Variants in TANC2 observed in about 807,000 individuals in gnomAD.
The protein encoded by TANC2 is protein TANC2.
TANC2 carries 26 observed loss-of-function variants against 210.5 expected under a neutral mutation model. The ratio of observed to expected loss-of-function variants is 0.12; its 90% CI spans 0.09 to 0.17. The LOEUF is 0.17. Among genes scored for constraint, TANC2 ranks in the 10% least tolerant of loss-of-function variants. TANC2 has a pLI of 1.00. For synonymous variants in TANC2, 931 were observed against 967.1 expected (o/e 0.96, Z 0.69); for missense variants, 2,129 against 2,608.9 (o/e 0.82, Z 4.01).
At position 63,412,119 on chromosome 17, in the gene TANC2, G is replaced by A. The variant is rs184619475; in HGVS notation, c.3887G>A (p.Gly1296Glu). Residue 1296 changes from glycine to glutamate, a missense_variant, in exon 23 of 28, where the codon GGA (glycine) becomes GAA (glutamate). By Grantham distance (98) the Gly-to-Glu change is moderately conservative (BLOSUM62 -2). Around this residue, in one of 5 missense-constraint regions of TANC2, gnomAD observed 644 missense variants for 937.5 expected, o/e 0.69. Coordinates refer to ENST00000689528, the Ensembl canonical transcript of TANC2. The surrounding 1 kb of genome is among the most constrained non-coding windows in gnomAD (Gnocchi z 4.2). ...GTTGTTGTCACTCTTCTGAAGAAAG[G>A]AGCCAAGATAGGTAGGAGAAGGGAA... 1.2e-6 allele frequency: 2 copies of A among 1,613,986 alleles called. No individual in the cohort carries two copies. The highest frequency in any genetic ancestry group is 2.2e-5 in the East Asian group (1 of 44,870).
At chr17:63,323,001 G>T (rs1182921025) in intron 11 of TANC2, among the ~76,000 whole-genome samples, 1 of 152,202 alleles carries the variant, frequency 6.6e-6, no homozygotes, top group East Asian at 1.9e-4. Flanking sequence ...TGTATCAGAA[G>T]TAGCCACTTA....
chr17:63,071,725 A>G (rs2036404366), intron 2 of TANC2, among the ~76,000 whole-genome samples: 1 of 152,156 alleles, frequency 6.6e-6, no homozygotes, highest in Non-Finnish European at 1.5e-5. Flanking sequence ...ATATTGTAAG[A>G]CTAAGTCTTC....
intron 5 of TANC2, among the ~76,000 whole-genome samples, chr17:63,179,879 GTTCATGCCTATAATCTCAGC>G (rs1224466652): frequency 1.3e-5 from 2 of 151,450 alleles, no homozygotes; most frequent in African/African-American, 4.9e-5. Context: ...GCTGGGCATG[GTTCATGCCTATAATCTCAGC>G]TCTTTGGGAG....
At chr17:63,411,675 G>C in exon 22 of TANC2, 1 of 1,612,126 alleles carries the variant, frequency 6.2e-7, no homozygotes, top group Non-Finnish European at 8.5e-7. Flanking sequence ...TTTCTATGGC[G>C]ATGCTGAGGT....
At chr17:63,327,218 G>T (rs182552662) in intron 11 of TANC2, among the ~76,000 whole-genome samples, 1 of 152,298 alleles carries the variant, frequency 6.6e-6, no homozygotes, top group East Asian at 1.9e-4. Context: ...CCAAAAAGAC[G>T]AAAGATAAGT....
intron 7 of TANC2, among the ~76,000 whole-genome samples, chr17:63,209,892 T>G (rs907038568): frequency 6.6e-6 from 1 of 152,248 alleles, no homozygotes; most frequent in Non-Finnish European, 1.5e-5. Context: ...AAATATCTTT[T>G]GAGGTGATGA....
At chr17:63,293,414 G>A (rs980667299) in intron 9 of TANC2, among the ~76,000 whole-genome samples, 9 of 152,154 alleles carry the variant, frequency 5.9e-5, no homozygotes, top group Admixed American at 2.0e-4. Flanking sequence ...AGGAACAGAG[G>A]TACTTCGAGG....
In TANC2 at chr17:63,187,435, A is replaced by G. The variant is rs190616047; in HGVS notation, c.434-6556A>G. 2.0e-5 allele frequency among the ~76,000 whole-genome samples: 3 copies of G among 152,144 alleles called. No homozygotes were observed. The East Asian group carries it at 5.8e-4, about 29-fold the overall frequency. ...GCATGTGCAATTAACTAGACTACAGACCTTACTCAGATTTGGTTAATGGTA... is the reference window on the plus strand; with the variant it reads ...GCATGTGCAATTAACTAGACTACAGGCCTTACTCAGATTTGGTTAATGGTA... On this transcript the variant is annotated intron_variant, in intron 5 of 27. Transcript: ENST00000689528.
chr17:63,279,175 A>G (rs2043985589), intron 9 of TANC2, among the ~76,000 whole-genome samples: 1 of 152,150 alleles, frequency 6.6e-6, no homozygotes, highest in East Asian at 1.9e-4. Context: ...GGGGAAGTCC[A>G]TGATGCTGCC....
chr17:63,232,867 C>T (rs141843386), intron 7 of TANC2, among the ~76,000 whole-genome samples: 45 of 152,318 alleles, frequency 3.0e-4, no homozygotes, highest in African/African-American at 9.9e-4. Context: ...AGACTAAGTC[C>T]GCTGATCAAC....
rs114564294 is a variant in TANC2 at position 63,186,940 on chromosome 17, C to T, written c.434-7051C>T. Reference sequence around the variant, plus strand: ...TCTGTTTCTCATACCTCAAAGTTGTCGTCATTATTAAAGAAGTTACAGAAT... The same window carrying T: ...TCTGTTTCTCATACCTCAAAGTTGTTGTCATTATTAAAGAAGTTACAGAAT... On this transcript the variant is annotated intron_variant, in intron 5 of 27. Transcript: ENST00000689528. Among the ~76,000 whole-genome samples the T allele has an allele frequency of 4.1e-3, 628 of 152,246 alleles. 5 individuals are homozygous for T. The highest frequency in any genetic ancestry group is 0.013 in the African/African-American group (541 of 41,536).
rs146000683 is a variant in TANC2, at chr17:63,078,396, C to T, written c.139+4382C>T. ...TGTATTTGGTTTCTGTATTGCTTTC[C>T]TGTCTTCTATGTCATTGATTTATAC... On this transcript the variant is annotated intron_variant, in intron 3 of 27. Transcript: ENST00000689528. Among the ~76,000 whole-genome samples, 81 of 152,064 alleles carry T rather than the reference C, an allele frequency of 5.3e-4. 1 individual carries two copies. Among genetic ancestry groups the T allele is most frequent in the African/African-American group, 2.0e-3 (81 of 41,512 alleles).
intron 7 of TANC2, among the ~76,000 whole-genome samples, chr17:63,223,072 A>G (rs2042238132): frequency 6.6e-6 from 1 of 152,228 alleles, no homozygotes; most frequent in Non-Finnish European, 1.5e-5. Context: ...GTAGATATTT[A>G]GAATATGTAA....
chr17:63,065,591 A>C (rs1352815693), intron 2 of TANC2, among the ~76,000 whole-genome samples: 1 of 152,110 alleles, frequency 6.6e-6, no homozygotes, highest in East Asian at 1.9e-4. Context: ...TGTCTTATTA[A>C]TTATGTATGA....
At chr17:63,306,731 C>T (rs541460007) in intron 9 of TANC2, among the ~76,000 whole-genome samples, 16 of 152,110 alleles carry the variant, frequency 1.1e-4, no homozygotes, top group Non-Finnish European at 2.2e-4. Flanking sequence ...AAGGTAAGAT[C>T]ACTTGAGGCC....
chr17:63,407,949 G>A lies in TANC2; in HGVS notation c.3589+1672G>A, dbSNP rs116375538. The stretch of plus-strand genomic sequence containing the variant: ...GGACTACGGAAAATAAAATTGGAAA[G>A]GTATGTGGAAATGGAAAAGGACCAA... On this transcript the variant is annotated intron_variant, in intron 21 of 27. Transcript: ENST00000689528. 2.7e-3 allele frequency among the ~76,000 whole-genome samples: 410 copies of A among 152,302 alleles called. 2 individuals carry two copies. The highest frequency in any genetic ancestry group is 9.4e-3 in the African/African-American group (391 of 41,568).
intron 5 of TANC2, chr17:63,182,749 A>G (rs1314093293): frequency 6.5e-6 from 1 of 153,358 alleles, no homozygotes; most frequent in Non-Finnish European, 1.5e-5. Context: ...ATTTGTATCA[A>G]CTTATACCTA....
intron 5 of TANC2, among the ~76,000 whole-genome samples, chr17:63,192,426 A>T (rs1598574961): frequency 6.6e-6 from 1 of 152,208 alleles, no homozygotes; most frequent in Admixed American, 6.5e-5. Context: ...CCATTCGATT[A>T]CCTTACTTAG....
At chr17:63,033,134 T>G (rs1024450658) in intron 2 of TANC2, among the ~76,000 whole-genome samples, 1 of 152,178 alleles carries the variant, frequency 6.6e-6, no homozygotes, top group Admixed American at 6.6e-5. Flanking sequence ...TGCCCCACTC[T>G]CCTGACATGA....
Sources: allele counts gnomAD v4.1 joint callset (sites outside exome capture counted in the v4.1 genomes callset), GRCh38; gene constraint gnomAD v4.1.1; regional missense constraint gnomAD v4.1.1; non-coding constraint Gnocchi (gnomAD v3.1); transcripts MANE v1.5; gene names NCBI Gene and HGNC (gene_info 2026-07-23, HGNC 2026-07-21).